INPP4B: variants seen among roughly 807,000 people sequenced by gnomAD.
INPP4B encodes inositol polyphosphate-4-phosphatase type II B.
Under a neutral mutation model 122.5 loss-of-function variants are expected in INPP4B, and 55 were observed. The observed-to-expected ratio is 0.45, with a 90% CI of 0.36 to 0.56. The LOEUF is 0.56. Among genes scored for constraint, INPP4B ranks in the 20% least tolerant of loss-of-function variants. The pLI, the probability that INPP4B is intolerant of heterozygous loss-of-function variation, is 0.00. For missense variants in INPP4B, 1,000 were observed against 1,097.7 expected, an observed-to-expected ratio of 0.91 and a Z score of 1.26; for synonymous variants, 403 against 388.7, an observed-to-expected ratio of 1.04 and a Z score of -0.43.
intron 1 of INPP4B, among the ~76,000 whole-genome samples, chr4:142,779,198 G>A (rs772422992): frequency 1.3e-5 from 2 of 151,808 alleles, no homozygotes; most frequent in Non-Finnish European, 2.9e-5. Flanking sequence ...TTTTTTCTGA[G>A]AAAATTGTAT....
In INPP4B at chr4:142,698,479, C is replaced by T. The variant is rs144537626; in HGVS notation, c.-191+27360G>A. Among the ~76,000 whole-genome samples, 261 of 152,248 alleles carry T rather than the reference C, an allele frequency of 1.7e-3. 1 individual carries two copies. The highest frequency in any genetic ancestry group is 5.7e-3 in the African/African-American group (237 of 41,536). ...GACTATTCATTTTCATTACCAGACC[C>T]TAGATCTTGTCACTACCAATATCTG... On this transcript the variant is annotated intron_variant, in intron 2 of 25. Transcript: ENST00000262992.
chr4:142,042,657 G>C (rs183291101), intron 25 of INPP4B, among the ~76,000 whole-genome samples: 13 of 152,058 alleles, frequency 8.5e-5, no homozygotes, highest in African/African-American at 3.1e-4. Context: ...CCGCCTCCCG[G>C]GTTCAAGCGA....
intron 9 of INPP4B, among the ~76,000 whole-genome samples, chr4:142,294,470 T>G (rs1184209738): frequency 6.6e-6 from 1 of 151,870 alleles, no homozygotes; most frequent in East Asian, 1.9e-4. Context: ...ACGAGTAAAT[T>G]TGGAGAATAC....
At position 142,646,062 on chromosome 4, in the gene INPP4B, T is replaced by C. The variant is rs1397906749; in HGVS notation, c.-191+79777A>G. 3.3e-5 allele frequency among the ~76,000 whole-genome samples: 5 copies of C among 152,292 alleles called. No individual in the cohort carries two copies. In the East Asian group the frequency reaches 9.7e-4, roughly 29 times the overall value. ...TGGCCAGGGTAAACTGAAGGATGAC[T>C]GCAAAGGAGAACAAGAGCACCTTTT... On this transcript the variant is annotated intron_variant, in intron 2 of 25. Coordinates refer to ENST00000262992, the MANE Select transcript of INPP4B (RefSeq NM_001101669.3).
At chr4:142,495,306 C>A (rs532701375) in intron 2 of INPP4B, among the ~76,000 whole-genome samples, 3 of 151,920 alleles carry the variant, frequency 2.0e-5, no homozygotes, top group Admixed American at 1.3e-4. Flanking sequence ...CAAATCTAAT[C>A]GGTTTTGAGA....
At chr4:142,578,748 T>A (rs1734385463) in intron 2 of INPP4B, among the ~76,000 whole-genome samples, 1 of 151,966 alleles carries the variant, frequency 6.6e-6, no homozygotes, top group Non-Finnish European at 1.5e-5. Flanking sequence ...TGGGGGGACA[T>A]ATTTCAGCCC....
rs545910276 is a variant in INPP4B at position 142,359,538 on chromosome 4, C to T, written c.372+43400G>A. 2.0e-5 allele frequency among the ~76,000 whole-genome samples: 3 copies of T among 152,014 alleles called. No homozygotes were observed. The South Asian group carries it at 6.2e-4, about 32-fold the overall frequency. On this transcript the variant is annotated intron_variant, in intron 7 of 25. Coordinates refer to ENST00000262992, the MANE Select transcript of INPP4B (RefSeq NM_001101669.3). ...TAAACCTCGTCCCATTTTTACCCTC[C>T]CAAATTCCTATTCCTTTATTTTCAC...
intron 1 of INPP4B, among the ~76,000 whole-genome samples, chr4:142,784,825 A>G (rs931467647): frequency 5.3e-5 from 8 of 152,108 alleles, no homozygotes; most frequent in Non-Finnish European, 8.8e-5. Context: ...TCCAGAAAAG[A>G]CTTTGCCAGA....
At chr4:142,384,476 G>T (rs1053453124) in intron 7 of INPP4B, among the ~76,000 whole-genome samples, 1 of 152,058 alleles carries the variant, frequency 6.6e-6, no homozygotes, top group African/African-American at 2.4e-5. Context: ...ACTGAATACT[G>T]CAGGCAATTG....
At chr4:142,105,805 C>A (rs1786774608) in intron 23 of INPP4B, among the ~76,000 whole-genome samples, 1 of 151,924 alleles carries the variant, frequency 6.6e-6, no homozygotes, top group Non-Finnish European at 1.5e-5. Context: ...ACAAATTATC[C>A]CTTGATTTCA....
At position 142,740,043 on chromosome 4, in the gene INPP4B, C is replaced by G. The variant is rs560496806; in HGVS notation, c.-253-14142G>C. Reference sequence around the variant, plus strand: ...TAAAGCATGTATAAAACATAGTATACAAATTTAGGTGTCCAGAGGAATTAA... The same window carrying G: ...TAAAGCATGTATAAAACATAGTATAGAAATTTAGGTGTCCAGAGGAATTAA... On this transcript the variant is annotated intron_variant, in intron 1 of 25. Transcript: ENST00000262992. Among the ~76,000 whole-genome samples the G allele has an allele frequency of 4.6e-5, 7 of 152,106 alleles. No homozygotes were observed. In the South Asian group the frequency reaches 1.5e-3, roughly 32 times the overall value.
intron 12 of INPP4B, among the ~76,000 whole-genome samples, chr4:142,212,826 CTT>C (rs1845480148): frequency 1.3e-5 from 2 of 152,166 alleles, no homozygotes; most frequent in African/African-American, 4.8e-5. Flanking sequence ...AGGGCCTACC[CTT>C]AGTCCCAGAA....
intron 2 of INPP4B, among the ~76,000 whole-genome samples, chr4:142,577,641 T>C (rs1734138289): frequency 6.6e-6 from 1 of 152,036 alleles, no homozygotes; most frequent in Admixed American, 6.6e-5. Context: ...CATGTTATTT[T>C]AGCCTTCAGT....
At chr4:142,609,057 T>C (rs1406002131) in intron 2 of INPP4B, among the ~76,000 whole-genome samples, 1 of 152,188 alleles carries the variant, frequency 6.6e-6, no homozygotes, top group Admixed American at 6.6e-5. Context: ...CTTCTTACTC[T>C]ATAATGATAT....
Position 142,692,934 on chromosome 4 carries a change from G to GATAGATAC in INPP4B, c.-191+32904_-191+32905insGTATCTAT, listed in dbSNP as rs1406520603. 4.0e-5 allele frequency among the ~76,000 whole-genome samples: 6 copies of GATAGATAC among 150,292 alleles called. No individual in the cohort carries two copies. In the East Asian group the frequency reaches 5.9e-4, roughly 15 times the overall value. ...GTCTCTATAGATAGATAGATAGATAGATACATAGATACATAGATAGAGATA... is the reference window on the plus strand; with the variant it reads ...GTCTCTATAGATAGATAGATAGATAGATAGATACATACATAGATACATAGATAGAGATA... On this transcript the variant is annotated intron_variant, in intron 2 of 25. Transcript: ENST00000262992.
chr4:142,173,545 C>T (rs1390993), intron 16 of INPP4B, 87 bp downstream of exon 16: 72,235 of 1,088,854 alleles, frequency 0.066, 3,350 homozygotes, highest in African/African-American at 0.21. Context: ...TTTCCAGATG[C>T]TATGAATGGC....
intron 7 of INPP4B, among the ~76,000 whole-genome samples, chr4:142,393,732 T>C (rs1798457788): frequency 6.6e-6 from 1 of 152,218 alleles, no homozygotes; most frequent in Non-Finnish European, 1.5e-5. Flanking sequence ...CAGCCATACT[T>C]CAACCAATCA....
At chr4:142,160,263 C>G (rs1217592004) in intron 17 of INPP4B, 95 bp downstream of exon 17, 2 of 931,892 alleles carry the variant, frequency 2.1e-6, no homozygotes, top group Admixed American at 2.7e-5. Flanking sequence ...AACTTTTTTT[C>G]CATTTTTTAA....
intron 2 of INPP4B, among the ~76,000 whole-genome samples, chr4:142,475,782 C>A (rs976792674): frequency 6.6e-6 from 1 of 151,842 alleles, no homozygotes; most frequent in Non-Finnish European, 1.5e-5. Context: ...TTAACTCAGA[C>A]AAAAAACAAA....
Sources: allele counts gnomAD v4.1 joint callset (sites outside exome capture counted in the v4.1 genomes callset), GRCh38; gene constraint gnomAD v4.1.1; transcripts MANE v1.5; gene names NCBI Gene and HGNC (gene_info 2026-07-23, HGNC 2026-07-21).